The following DENND1A variants were observed in gnomAD, a reference collection of about 807,000 sequenced individuals.
DENND1A encodes DENN domain containing 1A, also known as DENN domain-containing protein 1A.
Under a neutral mutation model 113.7 loss-of-function variants are expected in DENND1A, and 51 were observed. The observed-to-expected ratio is 0.45, with a 90% CI of 0.36 to 0.57. The LOEUF is 0.57. DENND1A is among the 20% of genes least tolerant of loss of function. The pLI is 0.00. For synonymous variants in DENND1A, 565 were observed against 570.8 expected (o/e 0.99, Z 0.14); for missense variants, 1,258 against 1,395.9 (o/e 0.90, Z 1.57).
At chr9:123,501,954 G>A (rs1337990273) in intron 13 of DENND1A, among the ~76,000 whole-genome samples, 1 of 151,968 alleles carries the variant, frequency 6.6e-6, no homozygotes. Context: ...TTGTGATAGT[G>A]TAAGTTAATA....
intron 16 of DENND1A, 84 bp downstream of exon 16, chr9:123,454,655 T>C (rs957710908): frequency 4.7e-5 from 64 of 1,363,072 alleles, no homozygotes; most frequent in Non-Finnish European, 5.9e-5. Flanking sequence ...TGCTCCAGGA[T>C]GGAAGGGGAA....
At chr9:123,653,912 A>C (rs75391636) in intron 8 of DENND1A, among the ~76,000 whole-genome samples, 4 of 151,718 alleles carry the variant, frequency 2.6e-5, no homozygotes, top group African/African-American at 9.7e-5. Context: ...AAAAAAAAAA[A>C]CTGGAGGCTC....
At chr9:123,845,607 T>A (rs1842475659) in intron 2 of DENND1A, among the ~76,000 whole-genome samples, 1 of 144,416 alleles carries the variant, frequency 6.9e-6, no homozygotes, top group African/African-American at 2.7e-5. Flanking sequence ...GAAGTTGAGG[T>A]TGCAGTGAGC....
Position 123,381,447 on chromosome 9 carries a change from C to T in DENND1A, c.3198G>A (p.Trp1066Ter), listed in dbSNP as rs2042260766. Residue 1066 changes from tryptophan (W) to a stop codon, truncating the protein, a stop_gained, in exon 24 of 24, where the codon TGG (tryptophan) becomes TGA (stop). Transcript: ENST00000394215. LOFTEE classifies it high-confidence loss of function. The surrounding 1 kb of genome is among the most constrained non-coding windows in gnomAD (Gnocchi z 4.7). Reference sequence around the variant, plus strand: ...AGGGCCCGGCTCACTCGAAGGTCTCCCACTGCTTCCTGAGCTGCTCCACCG... The same window carrying T: ...AGGGCCCGGCTCACTCGAAGGTCTCTCACTGCTTCCTGAGCTGCTCCACCG... ...PDSVEQLRKQ[W>*]ETFE 2 of 1,613,168 alleles carry T rather than the reference C, an allele frequency of 1.2e-6. No homozygotes were observed.
intron 12 of DENND1A, among the ~76,000 whole-genome samples, chr9:123,579,166 G>A (rs928065526): frequency 6.6e-6 from 1 of 152,142 alleles, no homozygotes; most frequent in Non-Finnish European, 1.5e-5. Context: ...AGCTACTGTC[G>A]ATTGTGCTGA....
intron 2 of DENND1A, among the ~76,000 whole-genome samples, chr9:123,828,765 T>G (rs149030562): frequency 1.1e-4 from 16 of 151,136 alleles, no homozygotes; most frequent in African/African-American, 3.9e-4. Context: ...TGAAAGAAAA[T>G]AAATGCCAAG....
chr9:123,436,563 T>C (rs909639310), intron 19 of DENND1A, among the ~76,000 whole-genome samples: 2 of 152,194 alleles, frequency 1.3e-5, no homozygotes, highest in African/African-American at 4.8e-5. Flanking sequence ...CTCTCTAAAC[T>C]GCGACATCTT....
chr9:123,870,253 C>G (rs1264533410), intron 2 of DENND1A, among the ~76,000 whole-genome samples: 1 of 149,498 alleles, frequency 6.7e-6, no homozygotes, highest in Non-Finnish European at 1.5e-5. Context: ...ACTGCACATA[C>G]AGGTAATATT....
intron 17 of DENND1A, 69 bp from the exon 18 acceptor site, chr9:123,450,818 T>A: frequency 7.5e-7 from 1 of 1,335,380 alleles, no homozygotes; most frequent in Non-Finnish European, 1.0e-6. Context: ...TTGATTTCAG[T>A]CCATCGAGAA....
At chr9:123,556,363 G>C (rs1470305328) in intron 13 of DENND1A, among the ~76,000 whole-genome samples, 1 of 152,174 alleles carries the variant, frequency 6.6e-6, no homozygotes, top group Non-Finnish European at 1.5e-5. Context: ...GGGTGATGGG[G>C]AAACAAGGTG....
intron 13 of DENND1A, among the ~76,000 whole-genome samples, chr9:123,516,151 CACACAA>C (rs1487364337): frequency 2.1e-4 from 17 of 82,820 alleles, no homozygotes; most frequent in African/African-American, 8.8e-4. Flanking sequence ...CACACACACA[CACACAA>C]AGGTTGGGGG....
At chr9:123,853,369 A>AT (rs1340386713) in intron 2 of DENND1A, among the ~76,000 whole-genome samples, 9 of 151,566 alleles carry the variant, frequency 5.9e-5, no homozygotes, top group Admixed American at 4.6e-4. Flanking sequence ...GGAGACTGAA[A>AT]TTATGAGCTC....
At chr9:123,839,389 CGCCTT>C (rs1841503016) in intron 2 of DENND1A, among the ~76,000 whole-genome samples, 1 of 152,164 alleles carries the variant, frequency 6.6e-6, no homozygotes, top group Admixed American at 6.5e-5. Flanking sequence ...TATTCAAAAA[CGCCTT>C]AACAAGGACA....
At chr9:123,462,680 C>T (rs1362271008) in intron 13 of DENND1A, among the ~76,000 whole-genome samples, 1 of 152,156 alleles carries the variant, frequency 6.6e-6, no homozygotes, top group Non-Finnish European at 1.5e-5. Context: ...GCCTGTAACC[C>T]CAGCTACTTG....
At chr9:123,920,193 G>A (rs1279530454) in intron 1 of DENND1A, among the ~76,000 whole-genome samples, 1 of 152,214 alleles carries the variant, frequency 6.6e-6, no homozygotes, top group African/African-American at 2.4e-5. Flanking sequence ...CACTTCGGGA[G>A]GCCGAGGCGG....
At chr9:123,630,625 C>T in intron 9 of DENND1A, 149 bp from the exon 10 acceptor site, 1 of 477,918 alleles carries the variant, frequency 2.1e-6, no homozygotes, top group Non-Finnish European at 3.4e-6. Context: ...AACTCAATCA[C>T]CCTAATTCAA....
intron 5 of DENND1A, among the ~76,000 whole-genome samples, chr9:123,684,386 A>C (rs951213010): frequency 2.0e-5 from 3 of 152,096 alleles, no homozygotes; most frequent in Non-Finnish European, 4.4e-5. Context: ...TTCCACTCCT[A>C]TACTTCTCAT....
rs138844001 is a variant in DENND1A, at chr9:123,695,484, T to TTATA, written c.303-18699_303-18696dup. Among the ~76,000 whole-genome samples, 66 of 150,944 alleles carry TTATA rather than the reference T, an allele frequency of 4.4e-4. No homozygotes were observed. The Middle Eastern group carries it at 0.01, about 24-fold the overall frequency. On this transcript the variant is annotated intron_variant, in intron 5 of 23. Coordinates refer to ENST00000394215, the MANE Select transcript of DENND1A (RefSeq NM_001352964.2). The stretch of plus-strand genomic sequence containing the variant: ...CTAAAGAATATGATGTCATTGAGTT[T>TTATA]TATATATATATATATCCTATTAGTG...
intron 3 of DENND1A, among the ~76,000 whole-genome samples, chr9:123,770,012 C>A (rs913795921): frequency 6.6e-6 from 1 of 152,154 alleles, no homozygotes; most frequent in Non-Finnish European, 1.5e-5. Context: ...TTCCCAACAT[C>A]AATAGGCCAA....
Sources: gnomAD v4.1 joint callset for allele counts (sites outside exome capture counted in the v4.1 genomes callset) on GRCh38, gnomAD v4.1.1 for gene constraint, Gnocchi (gnomAD v3.1) non-coding constraint, MANE v1.5 for transcripts, NCBI Gene and HGNC (gene_info 2026-07-23, HGNC 2026-07-21) for gene names.